Variants in UXS1 observed in about 807,000 individuals in gnomAD.
The protein encoded by UXS1 is UDP-glucuronic acid decarboxylase 1.
In UXS1, 33 loss-of-function variants were observed where a neutral mutation model predicts 62.6. The observed-to-expected ratio is 0.53, with a 90% CI of 0.40 to 0.70. UXS1 has a LOEUF of 0.70. UXS1 is among the 30% of genes least tolerant of loss of function. UXS1 has a pLI of 0.00. For missense variants in UXS1, 434 were observed against 556.3 expected (o/e 0.78, Z 2.21); for synonymous variants, 213 against 206.8 (o/e 1.03, Z -0.26).
chr2:106,158,830 A>G (rs939658577), intron 4 of UXS1, among the ~76,000 whole-genome samples: 1 of 152,212 alleles, frequency 6.6e-6, no homozygotes, highest in Admixed American at 6.5e-5. Flanking sequence ...ACTTCTACAG[A>G]TAACATCACT....
chr2:106,170,939 C>A (rs1003597116), intron 1 of UXS1, among the ~76,000 whole-genome samples: 1 of 152,186 alleles, frequency 6.6e-6, no homozygotes, highest in Non-Finnish European at 1.5e-5. Flanking sequence ...AATATTTGAA[C>A]TGAATTAAAC....
intron 6 of UXS1, among the ~76,000 whole-genome samples, chr2:106,141,070 G>A (rs993978793): frequency 1.4e-4 from 21 of 152,192 alleles, no homozygotes; most frequent in African/African-American, 4.8e-4. Context: ...TCAACCTAAA[G>A]ATCCAACAAC....
intron 1 of UXS1, among the ~76,000 whole-genome samples, chr2:106,191,431 C>T (rs1267392149): frequency 6.6e-6 from 1 of 152,226 alleles, no homozygotes; most frequent in Non-Finnish European, 1.5e-5. Context: ...CAGTGTCCTT[C>T]GGTGTTATCA....
At chr2:106,150,304 C>A (rs986815967) in intron 5 of UXS1, among the ~76,000 whole-genome samples, 1 of 152,186 alleles carries the variant, frequency 6.6e-6, no homozygotes, top group Non-Finnish European at 1.5e-5. Flanking sequence ...AGAGTGCAGA[C>A]AATTGACCCT....
chr2:106,178,343 G>A (rs1195577220), intron 1 of UXS1, among the ~76,000 whole-genome samples: 2 of 152,130 alleles, frequency 1.3e-5, no homozygotes, highest in African/African-American at 2.4e-5. Flanking sequence ...AATTATCAGT[G>A]TTGAGCATGC....
intron 8 of UXS1, among the ~76,000 whole-genome samples, chr2:106,125,195 G>A (rs996015777): frequency 1.3e-5 from 2 of 152,194 alleles, no homozygotes; most frequent in Admixed American, 6.5e-5. Context: ...GGCAGTCAGC[G>A]CATGTCTCTT....
intron 14 of UXS1, among the ~76,000 whole-genome samples, chr2:106,094,536 T>C (rs1676923893): frequency 6.6e-6 from 1 of 152,204 alleles, no homozygotes; most frequent in Non-Finnish European, 1.5e-5. Flanking sequence ...TCAGAAGAAA[T>C]CCACCTTGGA....
intron 9 of UXS1, 27 bp downstream of exon 9, chr2:106,122,943 C>A (rs1679637484): frequency 1.2e-6 from 2 of 1,612,096 alleles, no homozygotes; most frequent in Non-Finnish European, 1.7e-6. Context: ...CACGCCTAAA[C>A]CGCAAGCCTA....
intron 9 of UXS1, among the ~76,000 whole-genome samples, chr2:106,122,178 T>C (rs1679576736): frequency 6.6e-6 from 1 of 152,214 alleles, no homozygotes; most frequent in Non-Finnish European, 1.5e-5. Context: ...TCCACAGCCA[T>C]GTTGATTTAC....
Position 106,101,176 on chromosome 2 carries a change from C to T in UXS1, c.924-58G>A, listed in dbSNP as rs535240832. On this transcript the variant is annotated intron_variant, in intron 11 of 14. Coordinates refer to ENST00000283148, the MANE Select transcript of UXS1 (RefSeq NM_001253875.2). ...CCTGCTGGAATATGCTAGTGCCACG[C>T]ACCACATAGAAGCCCTCCCAGAAGA... 3.1e-6 allele frequency: 5 copies of T among 1,588,024 alleles called. No individual in the cohort carries two copies. In the African/African-American group the frequency reaches 4.0e-5, roughly 13 times the overall value.
At chr2:106,114,301 T>C (rs964200920) in intron 9 of UXS1, among the ~76,000 whole-genome samples, 1 of 152,190 alleles carries the variant, frequency 6.6e-6, no homozygotes, top group East Asian at 1.9e-4. Context: ...TACACTGTAA[T>C]ACTTCACGTG....
At chr2:106,110,665 C>T (rs1237625883) in intron 10 of UXS1, among the ~76,000 whole-genome samples, 1 of 152,148 alleles carries the variant, frequency 6.6e-6, no homozygotes, top group African/African-American at 2.4e-5. Context: ...AAAGCGGCCA[C>T]TACAAATCCA....
chr2:106,109,065 G>A (rs1309561175), intron 10 of UXS1, among the ~76,000 whole-genome samples: 4 of 151,924 alleles, frequency 2.6e-5, no homozygotes, highest in South Asian at 4.1e-4. Flanking sequence ...GCTAGAATCC[G>A]CCTTACCTCT....
chr2:106,188,619 A>G (rs1684728594), intron 1 of UXS1, among the ~76,000 whole-genome samples: 1 of 152,232 alleles, frequency 6.6e-6, no homozygotes, highest in Non-Finnish European at 1.5e-5. Context: ...GGATGCAGGC[A>G]GCCAAGCCTC....
intron 14 of UXS1, among the ~76,000 whole-genome samples, chr2:106,096,380 T>C (rs1677107003): frequency 6.6e-6 from 1 of 152,172 alleles, no homozygotes; most frequent in African/African-American, 2.4e-5. Context: ...TATATGACAG[T>C]GTGAGTGTGT....
intron 13 of UXS1, among the ~76,000 whole-genome samples, chr2:106,098,139 G>A (rs1354498542): frequency 6.6e-6 from 1 of 152,198 alleles, no homozygotes; most frequent in Admixed American, 6.5e-5. Context: ...CCCTCCAAGA[G>A]TCTGACTCCT....
Position 106,149,487 on chromosome 2 carries a change from A to G in UXS1, c.292-4117T>C, listed in dbSNP as rs368312344. Among the ~76,000 whole-genome samples, 9 of 152,316 alleles carry G rather than the reference A, an allele frequency of 5.9e-5. 1 individual carries two copies. The highest frequency in any genetic ancestry group is 3.4e-3 in the Middle Eastern group (1 of 294). ...GTGTTATCGTGGAAGTGTGTTCCAC[A>G]TAGAAGCACGAGTTCAGTCCCTTTG... is the stretch of plus-strand genomic sequence containing the variant. On this transcript the variant is annotated intron_variant, in intron 5 of 14. Coordinates refer to ENST00000283148, the MANE Select transcript of UXS1 (RefSeq NM_001253875.2).
At chr2:106,104,452 G>C (rs952390583) in intron 11 of UXS1, among the ~76,000 whole-genome samples, 1 of 152,154 alleles carries the variant, frequency 6.6e-6, no homozygotes, top group African/African-American at 2.4e-5. Flanking sequence ...TCAGATTCTG[G>C]CATTCACAGG....
chr2:106,189,545 GCTC>G (rs71329628), intron 1 of UXS1, among the ~76,000 whole-genome samples: 2 of 152,082 alleles, frequency 1.3e-5, no homozygotes, highest in African/African-American at 4.8e-5. Context: ...CTTCCGCTCA[GCTC>G]CTGGGCAGGC....
Sources: gnomAD v4.1 joint callset for allele counts (sites outside exome capture counted in the v4.1 genomes callset) on GRCh38, gnomAD v4.1.1 for gene constraint, MANE v1.5 for transcripts, NCBI Gene and HGNC (gene_info 2026-07-23, HGNC 2026-07-21) for gene names.